The following MAGI1 variants were observed in gnomAD, a reference collection of about 807,000 sequenced individuals.
The protein encoded by MAGI1 is membrane-associated guanylate kinase, WW and PDZ domain-containing protein 1.
MAGI1 carries 58 observed loss-of-function variants against 139.9 expected under a neutral mutation model. The ratio of observed to expected loss-of-function variants is 0.41; its 90% confidence interval spans 0.34 to 0.52. The LOEUF (loss-of-function observed/expected upper bound fraction) is 0.52. Ranked by LOEUF, MAGI1 falls within the 20% of genes least tolerant of loss-of-function variation. The pLI is 0.12. For missense variants in MAGI1, 1,874 were observed against 1,901.6 expected, an observed-to-expected ratio of 0.99 and a Z score of 0.27; for synonymous variants, 812 against 737.9, an observed-to-expected ratio of 1.10 and a Z score of -1.63.
intron 1 of MAGI1, among the ~76,000 whole-genome samples, chr3:65,777,642 C>CAAAAA (rs11415226): frequency 1.4e-4 from 16 of 116,382 alleles, no homozygotes; most frequent in South Asian, 5.9e-4. Flanking sequence ...ACTCTTATCA[C>CAAAAA]AAAAAAAAAA....
intron 1 of MAGI1, among the ~76,000 whole-genome samples, chr3:65,760,389 T>C (rs202048059): frequency 2.8e-5 from 2 of 71,470 alleles, no homozygotes; most frequent in African/African-American, 1.0e-4. Flanking sequence ...AGAGCGGTAA[T>C]TTTTTTTTTT....
intron 1 of MAGI1, among the ~76,000 whole-genome samples, chr3:65,984,770 A>G (rs1338245020): frequency 7.0e-6 from 1 of 143,118 alleles, no homozygotes; most frequent in East Asian, 2.1e-4. Flanking sequence ...GTGGTCTTGA[A>G]CTTCTGGGCC....
intron 1 of MAGI1, among the ~76,000 whole-genome samples, chr3:65,987,082 G>A (rs1163741471): frequency 6.6e-6 from 1 of 152,162 alleles, no homozygotes; most frequent in Non-Finnish European, 1.5e-5. Flanking sequence ...ATGTTGGCCA[G>A]ACTGGTCTCG....
At chr3:65,510,082 C>A (rs2077504296) in intron 2 of MAGI1, among the ~76,000 whole-genome samples, 1 of 152,104 alleles carries the variant, frequency 6.6e-6, no homozygotes, top group Admixed American at 6.5e-5. Context: ...AACAGACCTG[C>A]AGCTGAGGGT....
At chr3:65,729,874 T>C (rs2034013010) in intron 1 of MAGI1, among the ~76,000 whole-genome samples, 1 of 152,242 alleles carries the variant, frequency 6.6e-6, no homozygotes, top group Non-Finnish European at 1.5e-5. Flanking sequence ...AATCACCATG[T>C]AATACAATCC....
At chr3:65,440,196 T>C (rs1233376763) in intron 8 of MAGI1, among the ~76,000 whole-genome samples, 184 bp from the exon 9 acceptor site, 1 of 152,198 alleles carries the variant, frequency 6.6e-6, no homozygotes, top group Non-Finnish European at 1.5e-5. Context: ...TGACTGCTTA[T>C]ATGCACTAAG....
intron 8 of MAGI1, 50 bp from the exon 9 acceptor site, chr3:65,440,062 G>GCAAAATGC (rs1559555355): frequency 6.2e-7 from 1 of 1,602,166 alleles, no homozygotes. Flanking sequence ...CATCCCACCA[G>GCAAAATGC]CAAAATGCCA....
intron 1 of MAGI1, among the ~76,000 whole-genome samples, chr3:65,638,113 C>G (rs2084750203): frequency 6.6e-6 from 1 of 152,174 alleles, no homozygotes; most frequent in Non-Finnish European, 1.5e-5. Context: ...TCTGCTGCCT[C>G]TGTGTGTTCT....
rs79804331 is a variant in MAGI1 at position 65,493,377 on chromosome 3, A to G, written c.550+135T>C. The G allele has an allele frequency of 5.8e-4, 546 of 942,374 alleles. 11 individuals are homozygous for G. The East Asian group carries it at 0.013, about 23-fold the overall frequency. The allele number at this position is 942,374 out of a possible 1,614,324, so 58.4% of individuals were successfully genotyped here. A position where few individuals can be genotyped will look rare whatever the true frequency, so the allele number is the denominator to read the frequency against. ...CCATAGACTTTGTCTATTATTCGTCATATTAAGGTGAACTGAAATCTCCTG... is the reference window on the plus strand; with the variant it reads ...CCATAGACTTTGTCTATTATTCGTCGTATTAAGGTGAACTGAAATCTCCTG... On this transcript the variant is annotated intron_variant, in intron 3 of 22. Coordinates refer to ENST00000402939, the MANE Select transcript of MAGI1 (RefSeq NM_001033057.2).
intron 12 of MAGI1, among the ~76,000 whole-genome samples, chr3:65,420,433 G>C (rs573473768): frequency 6.6e-6 from 1 of 152,060 alleles, no homozygotes; most frequent in South Asian, 2.1e-4. Context: ...GCTCTGATTT[G>C]CTTCACAGCA....
At chr3:65,990,943 T>C (rs1255596745) in intron 1 of MAGI1, among the ~76,000 whole-genome samples, 2 of 152,012 alleles carry the variant, frequency 1.3e-5, no homozygotes, top group Non-Finnish European at 2.9e-5. Flanking sequence ...CCTATGATCA[T>C]ATCACTGCAC....
At chr3:65,658,134 C>A (rs1313120033) in intron 1 of MAGI1, among the ~76,000 whole-genome samples, 1 of 152,098 alleles carries the variant, frequency 6.6e-6, no homozygotes, top group Non-Finnish European at 1.5e-5. Context: ...GGGGAATGAG[C>A]CTTAATGCTG....
At chr3:65,985,233 T>C (rs1319639264) in intron 1 of MAGI1, among the ~76,000 whole-genome samples, 4 of 152,220 alleles carry the variant, frequency 2.6e-5, no homozygotes. Flanking sequence ...TGACAAGTTA[T>C]TGTTAACATT....
At chr3:65,875,662 C>CT (rs777467059) in intron 1 of MAGI1, among the ~76,000 whole-genome samples, 75 of 152,164 alleles carry the variant, frequency 4.9e-4, no homozygotes, top group Non-Finnish European at 1.0e-3. Context: ...TACAATAGGT[C>CT]ATACTGTAGT....
intron 1 of MAGI1, among the ~76,000 whole-genome samples, chr3:65,777,753 C>T (rs1323488823): frequency 6.6e-6 from 1 of 152,050 alleles, no homozygotes; most frequent in East Asian, 1.9e-4. Context: ...CAAATCCCAC[C>T]TATTTGACTG....
chr3:65,536,841 A>G (rs754800076), intron 2 of MAGI1, among the ~76,000 whole-genome samples: 2 of 152,210 alleles, frequency 1.3e-5, no homozygotes, highest in Non-Finnish European at 2.9e-5. Flanking sequence ...CCCACCAGAG[A>G]TAAGACTGAG....
At chr3:65,509,536 G>C (rs1194988462) in intron 2 of MAGI1, among the ~76,000 whole-genome samples, 4 of 152,202 alleles carry the variant, frequency 2.6e-5, no homozygotes, top group African/African-American at 9.6e-5. Context: ...CTCAAAGAAA[G>C]GGGTGACGGA....
intron 1 of MAGI1, among the ~76,000 whole-genome samples, chr3:65,885,155 T>C (rs753506567): frequency 1.3e-5 from 2 of 152,078 alleles, no homozygotes; most frequent in African/African-American, 4.8e-5. Flanking sequence ...TCCCAACAAT[T>C]TGGGAGGCCG....
At chr3:65,836,907 A>G (rs2042842613) in intron 1 of MAGI1, among the ~76,000 whole-genome samples, 1 of 152,146 alleles carries the variant, frequency 6.6e-6, no homozygotes, top group African/African-American at 2.4e-5. Flanking sequence ...CACACCTGCA[A>G]TCATCTGCCC....
Sources: allele counts gnomAD v4.1 joint callset (sites outside exome capture counted in the v4.1 genomes callset), GRCh38; gene constraint gnomAD v4.1.1; transcripts MANE v1.5; gene names NCBI Gene and HGNC (gene_info 2026-07-23, HGNC 2026-07-21).